Variants in PDE4B observed in about 807,000 individuals in gnomAD.
PDE4B encodes the protein 3',5'-cyclic-AMP phosphodiesterase 4B.
Under a neutral mutation model 82.2 loss-of-function variants are expected in PDE4B, and 20 were observed. The observed-to-expected ratio is 0.24, with a 90% confidence interval of 0.17 to 0.35. PDE4B has a LOEUF of 0.35. Ranked by LOEUF, PDE4B falls within the 10% of genes least tolerant of loss-of-function variation. PDE4B has a pLI of 1.00. For synonymous variants in PDE4B, 320 were observed against 318.9 expected (o/e 1.00, Z -0.04); for missense variants, 655 against 907.2 (o/e 0.72, Z 3.57).
At chr1:66,361,526 CTGTTATAGA>C in intron 9 of PDE4B, 80 bp from the exon 10 acceptor site, 1 of 939,758 alleles carries the variant, frequency 1.1e-6, no homozygotes, top group Non-Finnish European at 1.6e-6. Flanking sequence ...GATTCTAAAG[CTGTTATAGA>C]TGGTTAGAGT....
At chr1:66,189,059 G>A (rs1194933059) in intron 3 of PDE4B, among the ~76,000 whole-genome samples, 2 of 61,732 alleles carry the variant, frequency 3.2e-5, no homozygotes, top group African/African-American at 9.1e-5. Context: ...GCATTTGCTT[G>A]TCTATAAGTA....
At chr1:66,232,201 T>C (rs1652007221) in intron 3 of PDE4B, among the ~76,000 whole-genome samples, 1 of 152,244 alleles carries the variant, frequency 6.6e-6, no homozygotes, top group Admixed American at 6.5e-5. Flanking sequence ...CTAAGTAGTT[T>C]TATAGAAATT....
At chr1:66,268,060 C>T (rs1164943153) in intron 7 of PDE4B, among the ~76,000 whole-genome samples, 2 of 152,088 alleles carry the variant, frequency 1.3e-5, no homozygotes, top group African/African-American at 4.8e-5. Context: ...AAGTTGAATT[C>T]ATGTATTTCA....
At chr1:65,897,147 G>A (rs1427618842) in intron 1 of PDE4B, among the ~76,000 whole-genome samples, 1 of 152,090 alleles carries the variant, frequency 6.6e-6, no homozygotes, top group Non-Finnish European at 1.5e-5. Flanking sequence ...TAATAAATAA[G>A]AACACAGTTT....
At chr1:66,369,062 T>A in intron 16 of PDE4B, 93 bp downstream of exon 16, 1 of 943,370 alleles carries the variant, frequency 1.1e-6, no homozygotes, top group Non-Finnish European at 1.5e-6. Context: ...ATAGAATATG[T>A]ATATATGAAA....
chr1:66,219,392 A>C (rs1403243564), intron 3 of PDE4B, among the ~76,000 whole-genome samples: 7 of 152,206 alleles, frequency 4.6e-5, no homozygotes, highest in Admixed American at 2.6e-4. Flanking sequence ...GAGCAACTTT[A>C]TAGTTGATAC....
At chr1:66,239,078 A>G (rs1652680088) in intron 3 of PDE4B, among the ~76,000 whole-genome samples, 2 of 152,216 alleles carry the variant, frequency 1.3e-5, no homozygotes, top group South Asian at 4.1e-4. Flanking sequence ...ATCTTGAGCT[A>G]TTGGAAGCTG....
At chr1:66,032,653 ATTTTTT>A (rs368856631) in intron 3 of PDE4B, among the ~76,000 whole-genome samples, 2 of 110,446 alleles carry the variant, frequency 1.8e-5, no homozygotes, top group African/African-American at 6.5e-5. Context: ...CATTTATCTA[ATTTTTT>A]TTTTTTTTTT....
chr1:65,951,474 A>T (rs555659806), intron 3 of PDE4B, among the ~76,000 whole-genome samples: 2 of 152,044 alleles, frequency 1.3e-5, no homozygotes, highest in Admixed American at 6.6e-5. Flanking sequence ...TCCAGTAAAA[A>T]AAGTGTCACC....
chr1:66,348,230 C>G (rs537734930), intron 8 of PDE4B, among the ~76,000 whole-genome samples: 2 of 152,226 alleles, frequency 1.3e-5, no homozygotes, highest in African/African-American at 4.8e-5. Context: ...GCCGTTATAC[C>G]TGTACAGAAA....
intron 3 of PDE4B, among the ~76,000 whole-genome samples, chr1:66,041,138 GTTAT>G (rs1460644411): frequency 1.3e-5 from 2 of 151,928 alleles, no homozygotes; most frequent in African/African-American, 4.8e-5. Context: ...GTGATAGCTA[GTTAT>G]TTATTGGGCA....
chr1:65,807,494 T>C (rs1645766996), intron 1 of PDE4B, among the ~76,000 whole-genome samples: 1 of 152,220 alleles, frequency 6.6e-6, no homozygotes, highest in Non-Finnish European at 1.5e-5. Flanking sequence ...TGTTTGGAAT[T>C]GCTGAGTTAA....
chr1:66,106,277 A>G (rs1645353166), intron 3 of PDE4B, among the ~76,000 whole-genome samples: 1 of 151,372 alleles, frequency 6.6e-6, no homozygotes, highest in Non-Finnish European at 1.5e-5. Flanking sequence ...CTTGCATCCC[A>G]GGGATGAAGC....
At chr1:66,313,850 A>G (rs1658836770) in intron 7 of PDE4B, among the ~76,000 whole-genome samples, 1 of 152,134 alleles carries the variant, frequency 6.6e-6, no homozygotes, top group Non-Finnish European at 1.5e-5. Context: ...CTTCGCAGCA[A>G]TCCATGCCTG....
chr1:66,353,093 A>G (rs980145575), intron 8 of PDE4B, among the ~76,000 whole-genome samples: 4 of 152,216 alleles, frequency 2.6e-5, no homozygotes, highest in Non-Finnish European at 5.9e-5. Context: ...TGAGGATTTA[A>G]AATGAGAGGC....
intron 1 of PDE4B, among the ~76,000 whole-genome samples, chr1:65,830,340 C>T (rs1221250632): frequency 6.6e-6 from 1 of 152,104 alleles, no homozygotes; most frequent in Non-Finnish European, 1.5e-5. Flanking sequence ...TCAAGCTTAA[C>T]TCTCTCTGCC....
At chr1:65,933,914 A>G (rs1167727744) in intron 3 of PDE4B, among the ~76,000 whole-genome samples, 1 of 152,238 alleles carries the variant, frequency 6.6e-6, no homozygotes, top group Non-Finnish European at 1.5e-5. Context: ...ATTAAATATT[A>G]TTTAAAGGGA....
At chr1:65,846,369 A>G (rs1456190657) in intron 1 of PDE4B, among the ~76,000 whole-genome samples, 1 of 152,236 alleles carries the variant, frequency 6.6e-6, no homozygotes, top group Non-Finnish European at 1.5e-5. Flanking sequence ...ATAGATAAAC[A>G]TAGGGCAAGG....
chr1:66,080,532 G>C (rs1187382573), intron 3 of PDE4B, among the ~76,000 whole-genome samples: 2 of 152,056 alleles, frequency 1.3e-5, no homozygotes, highest in African/African-American at 4.8e-5. Flanking sequence ...TGTTATTGCA[G>C]AAATAGCCTG....
Sources: allele counts gnomAD v4.1 joint callset (sites outside exome capture counted in the v4.1 genomes callset), GRCh38; gene constraint gnomAD v4.1.1; transcripts MANE v1.5; gene names NCBI Gene and HGNC (gene_info 2026-07-23, HGNC 2026-07-21).